The following CDH12 variants were observed in gnomAD, a reference collection of about 807,000 sequenced individuals.
The protein encoded by CDH12 is cadherin 12.
A neutral mutation model predicts 74.1 loss-of-function variants in CDH12; 41 were observed. The observed-to-expected ratio is 0.55, with a 90% confidence interval of 0.43 to 0.72. CDH12 has a LOEUF of 0.72. Ranked by LOEUF, CDH12 falls within the 30% of genes least tolerant of loss-of-function variation. The pLI, the probability that CDH12 is intolerant of heterozygous loss-of-function variation, is 0.00. For missense variants in CDH12, 945 were observed against 977.2 expected (o/e 0.97, Z 0.44); for synonymous variants, 399 against 355.0 (o/e 1.12, Z -1.39).
At chr5:22,606,709 G>T (rs2126820371) in intron 1 of CDH12, among the ~76,000 whole-genome samples, 1 of 152,184 alleles carries the variant, frequency 6.6e-6, no homozygotes, top group East Asian at 1.9e-4. Flanking sequence ...GCATGAAAAT[G>T]GACTAATACA....
intron 1 of CDH12, among the ~76,000 whole-genome samples, chr5:22,578,729 A>G (rs1739921554): frequency 6.6e-6 from 1 of 151,182 alleles, no homozygotes; most frequent in African/African-American, 2.4e-5. Flanking sequence ...CTTCTTCTTC[A>G]TCTTTTTTTG....
intron 1 of CDH12, among the ~76,000 whole-genome samples, chr5:22,556,988 C>T (rs1370685553): frequency 6.6e-6 from 1 of 152,008 alleles, no homozygotes; most frequent in African/African-American, 2.4e-5. Context: ...CACTGACCAA[C>T]CTCTCCGTAA....
intron 7 of CDH12, among the ~76,000 whole-genome samples, chr5:21,843,009 T>C (rs1462706981): frequency 1.3e-5 from 2 of 152,196 alleles, no homozygotes; most frequent in Non-Finnish European, 2.9e-5. Flanking sequence ...GTGTGAACTT[T>C]ACAGTACATG....
intron 2 of CDH12, among the ~76,000 whole-genome samples, chr5:22,504,614 C>T (rs146761995): frequency 1.3e-4 from 20 of 152,050 alleles, no homozygotes; most frequent in Admixed American, 2.6e-4. Flanking sequence ...CATTACCAAG[C>T]GGGGAGTGTC....
intron 2 of CDH12, among the ~76,000 whole-genome samples, chr5:22,459,171 T>G (rs1261248): frequency 0.47 from 71,054 of 151,814 alleles, 17,052 homozygotes; most frequent in Admixed American, 0.64. Context: ...GTTTTAGTTT[T>G]TCATCTTAAA....
At chr5:22,125,856 T>C (rs1403181928) in intron 4 of CDH12, among the ~76,000 whole-genome samples, 2 of 152,206 alleles carry the variant, frequency 1.3e-5, no homozygotes, top group Admixed American at 6.5e-5. Flanking sequence ...AAACCCTGTA[T>C]TGACTCCCTC....
Position 21,786,287 on chromosome 5 carries a change from G to A in CDH12, c.1257-2793C>T, listed in dbSNP as rs552560105. 7.9e-5 allele frequency among the ~76,000 whole-genome samples: 12 copies of A among 152,256 alleles called. No homozygotes were observed. In the East Asian group the frequency reaches 2.3e-3, roughly 29 times the overall value. Reference sequence around the variant, plus strand: ...TCCTGCCTCAGCCTCCTCAGTAGCTGGGATTACAGGTGCATGCCACTACGC... The same window carrying A: ...TCCTGCCTCAGCCTCCTCAGTAGCTAGGATTACAGGTGCATGCCACTACGC... On this transcript the variant is annotated intron_variant, in intron 10 of 14. Transcript: ENST00000382254.
chr5:21,867,290 G>T (rs1396236107), intron 6 of CDH12, among the ~76,000 whole-genome samples: 1 of 152,194 alleles, frequency 6.6e-6, no homozygotes, highest in Non-Finnish European at 1.5e-5. Context: ...AGGAGGCGGA[G>T]GTTGCAGTGA....
intron 1 of CDH12, among the ~76,000 whole-genome samples, chr5:22,694,560 G>A (rs1742249039): frequency 1.3e-5 from 2 of 151,618 alleles, no homozygotes; most frequent in Admixed American, 1.3e-4. Context: ...TTCTAGAACT[G>A]GTTTCTTATA....
intron 4 of CDH12, among the ~76,000 whole-genome samples, chr5:22,105,259 T>A (rs914774635): frequency 2.0e-4 from 9 of 45,928 alleles, no homozygotes; most frequent in African/African-American, 5.5e-4. Context: ...ACCCAGCTAA[T>A]TTTTTTTATA....
chr5:22,719,908 G>A (rs1173223241), intron 1 of CDH12, among the ~76,000 whole-genome samples: 1 of 152,048 alleles, frequency 6.6e-6, no homozygotes, highest in African/African-American at 2.4e-5. Context: ...GAGCCCCTGG[G>A]GAAAGAAGTC....
intron 6 of CDH12, among the ~76,000 whole-genome samples, chr5:21,874,972 G>T (rs888323739): frequency 2.0e-5 from 3 of 152,152 alleles, no homozygotes; most frequent in African/African-American, 7.2e-5. Context: ...GAAGTGGCCT[G>T]CCACCATCTT....
chr5:22,096,512 C>A (rs928282513), intron 4 of CDH12, among the ~76,000 whole-genome samples: 1 of 152,046 alleles, frequency 6.6e-6, no homozygotes, highest in Non-Finnish European at 1.5e-5. Flanking sequence ...AGCTAGGTGC[C>A]AATTCTTCCT....
chr5:22,787,580 T>C (rs1363549972), intron 1 of CDH12, among the ~76,000 whole-genome samples: 1 of 152,088 alleles, frequency 6.6e-6, no homozygotes, highest in African/African-American at 2.4e-5. Context: ...TTTTAAAATA[T>C]TTATTTTTAA....
intron 1 of CDH12, among the ~76,000 whole-genome samples, chr5:22,705,047 C>T (rs1742917542): frequency 6.6e-6 from 1 of 150,904 alleles, no homozygotes; most frequent in African/African-American, 2.4e-5. Context: ...TACACACACG[C>T]ATATATAATG....
intron 5 of CDH12, among the ~76,000 whole-genome samples, chr5:22,026,972 A>G (rs1444415602): frequency 6.6e-6 from 1 of 152,280 alleles, no homozygotes; most frequent in East Asian, 1.9e-4. Flanking sequence ...AGCTCTTATT[A>G]TTTTAAGATA....
chr5:22,119,893 C>A (rs1745404372), intron 4 of CDH12, among the ~76,000 whole-genome samples: 1 of 151,998 alleles, frequency 6.6e-6, no homozygotes, highest in African/African-American at 2.4e-5. Flanking sequence ...GTATTATTCT[C>A]AAAATAAAAG....
chr5:22,445,422 G>A (rs1046627911), intron 2 of CDH12, among the ~76,000 whole-genome samples: 1 of 152,010 alleles, frequency 6.6e-6, no homozygotes, highest in Non-Finnish European at 1.5e-5. Flanking sequence ...CCTGTTTTGT[G>A]TATTTCATTC....
chr5:22,669,171 C>G (rs373788406), intron 1 of CDH12, among the ~76,000 whole-genome samples: 1 of 152,048 alleles, frequency 6.6e-6, no homozygotes, highest in African/African-American at 2.4e-5. Context: ...TCTCCTTAAA[C>G]AGATCTGTGG....
Sources: gnomAD v4.1 joint callset for allele counts (sites outside exome capture counted in the v4.1 genomes callset) on GRCh38, gnomAD v4.1.1 for gene constraint, MANE v1.5 for transcripts, NCBI Gene and HGNC (gene_info 2026-07-23, HGNC 2026-07-21) for gene names.